Variants in AARS1 observed in about 807,000 individuals in gnomAD.
AARS1 encodes the protein alanyl-tRNA synthetase 1.
A neutral mutation model predicts 108.9 loss-of-function variants in AARS1; 72 were observed. The ratio of observed to expected loss-of-function variants is 0.66; its 90% CI spans 0.55 to 0.80. The LOEUF is 0.80. Among genes scored for constraint, AARS1 ranks in the 30% least tolerant of loss-of-function variants. AARS1 has a pLI of 0.00. For missense variants in AARS1, 1,193 were observed against 1,233.2 expected (o/e 0.97, Z 0.49); for synonymous variants, 489 against 465.7 (o/e 1.05, Z -0.64).
At chr16:70,253,217 G>A in intron 20 of AARS1, 51 bp downstream of exon 20, 2 of 1,478,036 alleles carry the variant, frequency 1.4e-6, no homozygotes, top group Middle Eastern at 1.7e-4. Context: ...ACAGGCCTCA[G>A]CCAACAACCT....
Position 70,270,636 on chromosome 16 carries a change from G to A in AARS1, c.672-296C>T, listed in dbSNP as rs762998981. Among the ~76,000 whole-genome samples the A allele has an allele frequency of 8.2e-4, 125 of 151,914 alleles. 2 individuals carry two copies. Among genetic ancestry groups the A allele is most frequent in the African/African-American group, 2.9e-3 (120 of 41,448 alleles). On this transcript the variant is annotated intron_variant, in intron 5 of 20. Coordinates refer to ENST00000261772, the MANE Select transcript of AARS1 (RefSeq NM_001605.3). Reference sequence around the variant, plus strand: ...GTGGACCATCTGAGGTCAGGAGCTCGAGACCAGCCTGCTCAACATGAAGAA... The same window carrying A: ...GTGGACCATCTGAGGTCAGGAGCTCAAGACCAGCCTGCTCAACATGAAGAA...
chr16:70,255,466 G>A (rs1567601828), intron 16 of AARS1, among the ~76,000 whole-genome samples: 1 of 152,090 alleles, frequency 6.6e-6, no homozygotes, highest in Non-Finnish European at 1.5e-5. Flanking sequence ...CCAAAGTGCT[G>A]GGATTACAGG....
At chr16:70,283,046 A>G (rs1382680427) in intron 1 of AARS1, among the ~76,000 whole-genome samples, 2 of 152,188 alleles carry the variant, frequency 1.3e-5, no homozygotes, top group Non-Finnish European at 2.9e-5. Context: ...ATGTTTGTTC[A>G]TTAAACAAAT....
At position 70,253,187 on chromosome 16, in the gene AARS1, C is replaced by T. The variant is rs191155077; in HGVS notation, c.2721+81G>A. Reference sequence around the variant, plus strand: ...CAACCGGTGGGCAGAAAGGCTGTTTCGAATGCAGGCTGTACACACACAGGC... The same window carrying T: ...CAACCGGTGGGCAGAAAGGCTGTTTTGAATGCAGGCTGTACACACACAGGC... On this transcript the variant is annotated intron_variant, in intron 20 of 20. Transcript: ENST00000261772. 116 of 1,231,516 alleles carry T rather than the reference C, an allele frequency of 9.4e-5. No individual in the cohort carries two copies. The African/African-American group carries it at 1.3e-3, about 14-fold the overall frequency. 76.3% of individuals were successfully genotyped at this position (1,231,516 alleles called of 1,614,324 possible). A position where few individuals can be genotyped will look rare whatever the true frequency, so the allele number is the denominator to read the frequency against.
intron 7 of AARS1, 43 bp from the exon 8 acceptor site, chr16:70,268,422 G>A (rs865951156): frequency 6.4e-7 from 1 of 1,570,512 alleles, no homozygotes; most frequent in East Asian, 2.2e-5. Context: ...CCAGCTGAGG[G>A]TTTTGTCTTG....
intron 10 of AARS1, 198 bp from the exon 11 acceptor site, chr16:70,265,300 G>A (rs915789649): frequency 3.3e-6 from 3 of 906,838 alleles, no homozygotes; most frequent in Non-Finnish European, 5.2e-6. Flanking sequence ...GGGGCACCCT[G>A]GCCTCTACCA....
intron 9 of AARS1, among the ~76,000 whole-genome samples, chr16:70,266,578 C>G (rs139030181): frequency 0.071 from 10,665 of 149,192 alleles, 1,236 homozygotes; most frequent in African/African-American, 0.25. Context: ...CTGGAGTGTA[C>G]TGGTGTGATC....
At chr16:70,253,539 GC>G in intron 19 of AARS1, 158 bp from the exon 20 acceptor site, 1 of 1,019,602 alleles carries the variant, frequency 9.8e-7, no homozygotes, top group Non-Finnish European at 1.5e-6. Flanking sequence ...GCCGGGCCCT[GC>G]CCCTACCCTG....
rs201582606 is a variant in AARS1, at chr16:70,261,110, C to T, written c.1719G>A (p.Val573=). Residue 573 remains valine (V), a synonymous_variant, in exon 13 of 21, where the codon GTG becomes GTA. Transcript: ENST00000261772. ...VKNAQVRGGY[V]LHIGTIYGDL... Reference sequence around the variant, plus strand: ...CACCGTAGATGGTTCCAATGTGTAGCACATACCCTCCTCGGACCTGAGCAT... The same window carrying T: ...CACCGTAGATGGTTCCAATGTGTAGTACATACCCTCCTCGGACCTGAGCAT... 9 of 1,613,792 alleles carry T rather than the reference C, an allele frequency of 5.6e-6. No homozygotes were observed. The highest frequency in any genetic ancestry group is 1.3e-5 in the African/African-American group (1 of 74,912).
At position 70,275,537 on chromosome 16, in the gene AARS1, C is replaced by T. The variant is rs1384187631; in HGVS notation, c.479+949G>A. Among the ~76,000 whole-genome samples, 9 of 151,368 alleles carry T rather than the reference C, an allele frequency of 5.9e-5. No homozygotes were observed. In the East Asian group the frequency reaches 6.0e-4, roughly 10 times the overall value. On this transcript the variant is annotated intron_variant, in intron 4 of 20. Coordinates refer to ENST00000261772, the MANE Select transcript of AARS1 (RefSeq NM_001605.3). ...CAGCACTTTGGGAGGCCGAGGCAGG[C>T]GGATCACGAGGTCAGGAGATCGAGA...
chr16:70,273,637 C>T (rs1263687514), intron 4 of AARS1, among the ~76,000 whole-genome samples: 2 of 151,334 alleles, frequency 1.3e-5, no homozygotes, highest in Non-Finnish European at 2.9e-5. Flanking sequence ...CCAAGGCAGG[C>T]CGATCATGAG....
Position 70,262,482 on chromosome 16 carries a change from T to C in AARS1, c.1535A>G (p.Glu512Gly), listed in dbSNP as rs1960156277. 1 of 1,613,972 alleles carries C rather than the reference T, an allele frequency of 6.2e-7. No individual in the cohort carries two copies. The highest frequency in any genetic ancestry group is 1.1e-5 in the South Asian group (1 of 91,078). The change falls in exon 12 of 21, where the codon GAG (glutamate) becomes GGG (glycine). Residue 512 changes from glutamate (E) to glycine (G), a missense_variant. By Grantham distance (98) the Glu-to-Gly change is moderately conservative (BLOSUM62 -2). Coordinates refer to ENST00000261772, the MANE Select transcript of AARS1 (RefSeq NM_001605.3). ...TVATVMALRR[E>G]KMFVEEVSTG... is the part of the protein sequence containing the mutation. ...GGACACCTCTTCCACGAACATCTTCTCCCTGCGCAGAGCCATCACCGTAGC... is the reference window on the plus strand; with the variant it reads ...GGACACCTCTTCCACGAACATCTTCCCCCTGCGCAGAGCCATCACCGTAGC...
chr16:70,279,552 C>A (rs1236766659), intron 2 of AARS1, among the ~76,000 whole-genome samples: 2 of 147,426 alleles, frequency 1.4e-5, no homozygotes, highest in African/African-American at 2.5e-5. Flanking sequence ...CCTAGCCACT[C>A]GGGAGGGTGA....
At position 70,270,080 on chromosome 16, in the gene AARS1, G is replaced by C. The variant is rs1188988738; in HGVS notation, c.816+116C>G. 9 of 1,325,492 alleles carry C rather than the reference G, an allele frequency of 6.8e-6. No homozygotes were observed. The East Asian group carries it at 9.4e-5, about 14-fold the overall frequency. 82.1% of individuals were successfully genotyped at this position (1,325,492 alleles called of 1,614,324 possible). A position where few individuals can be genotyped will look rare whatever the true frequency, so the allele number is the denominator to read the frequency against. The stretch of plus-strand genomic sequence containing the variant: ...TTATTAACAATGAAGTAGGCAGATG[G>C]AAATGGGTACCCTTGGCTGGCAAAG... On this transcript the variant is annotated intron_variant, in intron 6 of 20. Transcript: ENST00000261772.
At chr16:70,269,188 C>T (rs1196595047) in intron 7 of AARS1, among the ~76,000 whole-genome samples, 1 of 152,012 alleles carries the variant, frequency 6.6e-6, no homozygotes, top group African/African-American at 2.4e-5. Flanking sequence ...GGCATGGTGG[C>T]TCATGCCTGT....
rs1371175797 is a variant in AARS1, at chr16:70,276,998, G to C, written c.301C>G (p.Leu101Val). 1 of 1,614,192 alleles carries C rather than the reference G, an allele frequency of 6.2e-7. No individual in the cohort carries two copies. Among genetic ancestry groups the C allele is most frequent in the Non-Finnish European group, 8.5e-7 (1 of 1,180,042 alleles). Reference protein sequence around the residue: ...DVYHHTFFEMLGSWSFGDYFK... With the variant: ...DVYHHTFFEMVGSWSFGDYFK... ...TAATCTCCAAAAGACCAAGAGCCCA[G>C]CATCTCGAAGAAGGTGTGATGATAG... The change falls in exon 3 of 21, where the codon CTG (leucine) becomes GTG (valine). Residue 101 changes from leucine (L) to valine (V), a missense_variant. Coordinates refer to ENST00000261772, the MANE Select transcript of AARS1 (RefSeq NM_001605.3).
At chr16:70,265,293 G>A (rs1960235880) in intron 10 of AARS1, 191 bp from the exon 11 acceptor site, 2 of 923,364 alleles carry the variant, frequency 2.2e-6, no homozygotes, top group African/African-American at 1.6e-5. Context: ...ATGCTGAGGG[G>A]CACCCTGGCC....
chr16:70,265,733 A>C lies in AARS1; in HGVS notation c.1223-71T>G, dbSNP rs960143885. On this transcript the variant is annotated intron_variant, in intron 9 of 20. Coordinates refer to ENST00000261772, the MANE Select transcript of AARS1 (RefSeq NM_001605.3). ...TTTCCATGCCAAGCCCTCCAAAAGG[A>C]TGCTGGGACTGGCAGAAGGAATTAA... The C allele has an allele frequency of 4.5e-5, 71 of 1,594,914 alleles. 1 individual carries two copies. Among genetic ancestry groups the C allele is most frequent in the Non-Finnish European group, 5.6e-5 (65 of 1,167,510 alleles).
At chr16:70,287,822 G>T (rs1960889346) in intron 1 of AARS1, among the ~76,000 whole-genome samples, 1 of 152,048 alleles carries the variant, frequency 6.6e-6, no homozygotes, top group Non-Finnish European at 1.5e-5. Flanking sequence ...GGAGTGCAAT[G>T]GTGCGCAACC....
Sources: gnomAD v4.1 joint callset for allele counts (sites outside exome capture counted in the v4.1 genomes callset) on GRCh38, gnomAD v4.1.1 for gene constraint, MANE v1.5 for transcripts, NCBI Gene and HGNC (gene_info 2026-07-23, HGNC 2026-07-21) for gene names.